Variants in AOPEP observed in about 807,000 individuals in gnomAD.
AOPEP encodes aminopeptidase O (putative), also known as aminopeptidase O.
AOPEP carries 77 observed loss-of-function variants against 98.1 expected under a neutral mutation model. That is an observed-to-expected ratio of 0.78 (90% CI 0.65 to 0.95). AOPEP has a LOEUF of 0.95. Ranked by LOEUF, AOPEP falls within the 40% of genes least tolerant of loss-of-function variation. AOPEP has a pLI of 0.00. For missense variants in AOPEP, 1,024 were observed against 1,024.7 expected (o/e 1.00, Z 0.01); for synonymous variants, 346 against 365.3 (o/e 0.95, Z 0.60).
chr9:95,107,546 TCTC>T, the AOPEP span: 2 of 544,492 alleles, frequency 3.7e-6, no homozygotes, highest in Non-Finnish European at 6.6e-6. Context: ...AGAGAAAAGT[TCTC>T]AACAGAATGT....
chr9:95,093,261 G>A, the AOPEP span, among the ~76,000 whole-genome samples: 1 of 152,226 alleles, frequency 6.6e-6, no homozygotes, highest in African/African-American at 2.4e-5. Flanking sequence ...TGGAGGATGG[G>A]TCTTTGGAAA....
chr9:94,747,794 A>G (rs1834859331), intron 1 of AOPEP, among the ~76,000 whole-genome samples: 1 of 152,212 alleles, frequency 6.6e-6, no homozygotes, highest in South Asian at 2.1e-4. Flanking sequence ...GGAAAGTTTA[A>G]CACCTGCCCC....
At chr9:95,104,361 C>G in the AOPEP span, among the ~76,000 whole-genome samples, 1 of 152,184 alleles carries the variant, frequency 6.6e-6, no homozygotes, top group African/African-American at 2.4e-5. Context: ...GCCACACTGG[C>G]GTCTGCTCTG....
chr9:94,791,066 A>T (rs573850318), intron 3 of AOPEP, among the ~76,000 whole-genome samples: 6 of 152,186 alleles, frequency 3.9e-5, no homozygotes, highest in Non-Finnish European at 8.8e-5. Flanking sequence ...GTGATATCCC[A>T]TAGCAAAGAC....
chr9:95,004,612 G>A (rs1418509521), intron 11 of AOPEP, among the ~76,000 whole-genome samples: 3 of 152,072 alleles, frequency 2.0e-5, no homozygotes, highest in African/African-American at 4.8e-5. Flanking sequence ...CTGGCTACGG[G>A]CGGGGTTCCT....
chr9:95,139,771 G>A, the AOPEP span, among the ~76,000 whole-genome samples: 5 of 149,462 alleles, frequency 3.3e-5, no homozygotes, highest in Non-Finnish European at 5.9e-5. Flanking sequence ...AGGAGGTAAT[G>A]AACATTTTCT....
At chr9:95,144,754 G>A in the AOPEP span, among the ~76,000 whole-genome samples, 6 of 152,198 alleles carry the variant, frequency 3.9e-5, no homozygotes, top group Admixed American at 2.0e-4. Flanking sequence ...AAAAATCGCC[G>A]TGGAGAGTAA....
At chr9:94,851,381 G>C (rs1441248160) in intron 5 of AOPEP, among the ~76,000 whole-genome samples, 1 of 152,138 alleles carries the variant, frequency 6.6e-6, no homozygotes, top group Admixed American at 6.5e-5. Flanking sequence ...GGGAAGCATT[G>C]TCTTAACTGA....
chr9:94,978,592 G>A (rs1364614599), intron 10 of AOPEP, among the ~76,000 whole-genome samples: 1 of 152,158 alleles, frequency 6.6e-6, no homozygotes. Context: ...GTCAAGAAAG[G>A]CCTCTCTGTA....
At chr9:95,130,995 A>G in the AOPEP span, among the ~76,000 whole-genome samples, 1 of 152,234 alleles carries the variant, frequency 6.6e-6, no homozygotes, top group Non-Finnish European at 1.5e-5. Context: ...TTACATTTTC[A>G]GATCTATTTT....
chr9:94,879,828 G>C (rs1352064003), intron 5 of AOPEP, among the ~76,000 whole-genome samples: 1 of 152,118 alleles, frequency 6.6e-6, no homozygotes, highest in Non-Finnish European at 1.5e-5. Flanking sequence ...AGCAGTTTTG[G>C]AACATATACC....
chr9:95,009,213 T>C (rs1240319125), intron 13 of AOPEP, among the ~76,000 whole-genome samples: 1 of 150,390 alleles, frequency 6.6e-6, no homozygotes, highest in Non-Finnish European at 1.5e-5. Flanking sequence ...CTTTTTTTTC[T>C]TTTTTTTTAC....
chr9:95,036,341 T>C (rs1457853177), intron 13 of AOPEP, among the ~76,000 whole-genome samples: 1 of 152,230 alleles, frequency 6.6e-6, no homozygotes, highest in African/African-American at 2.4e-5. Context: ...ATGGAATTTA[T>C]CTGATAGGTC....
intron 13 of AOPEP, chr9:95,018,753 C>G (rs980741057): frequency 1.3e-5 from 2 of 152,246 alleles, no homozygotes; most frequent in African/African-American, 4.8e-5. Flanking sequence ...GCTGGGTGGT[C>G]AGACCTGCTT....
chr9:94,884,263 T>C (rs2047926367), intron 5 of AOPEP, among the ~76,000 whole-genome samples: 1 of 152,218 alleles, frequency 6.6e-6, no homozygotes, highest in African/African-American at 2.4e-5. Flanking sequence ...GTGGGTACAA[T>C]TGTTAACAAA....
At chr9:94,870,350 GAA>G (rs1245776197) in intron 5 of AOPEP, among the ~76,000 whole-genome samples, 6 of 152,128 alleles carry the variant, frequency 3.9e-5, no homozygotes, top group Admixed American at 3.3e-4. Flanking sequence ...TTTTTAAGGA[GAA>G]GAGTATCGAG....
Position 94,998,947 on chromosome 9 carries a change from A to G in AOPEP, c.1978-6211A>G, listed in dbSNP as rs371662404. Among the ~76,000 whole-genome samples, 4 of 152,316 alleles carry G rather than the reference A, an allele frequency of 2.6e-5. No individual in the cohort carries two copies. The East Asian group carries it at 7.7e-4, about 29-fold the overall frequency. On this transcript the variant is annotated intron_variant, in intron 11 of 16. Transcript: ENST00000375315. Reference sequence around the variant, plus strand: ...TATTTGATGATGTCTGTATAGTATTATATCTGCGTAGTATTATATATTTTG... The same window carrying G: ...TATTTGATGATGTCTGTATAGTATTGTATCTGCGTAGTATTATATATTTTG...
intron 13 of AOPEP, among the ~76,000 whole-genome samples, chr9:95,013,824 A>G (rs974990768): frequency 6.6e-6 from 1 of 152,226 alleles, no homozygotes; most frequent in Non-Finnish European, 1.5e-5. Flanking sequence ...CATCCTACAT[A>G]AAGTCTCATG....
intron 4 of AOPEP, among the ~76,000 whole-genome samples, chr9:94,797,550 A>T (rs1368042470): frequency 6.6e-6 from 1 of 151,600 alleles, no homozygotes; most frequent in East Asian, 1.9e-4. Flanking sequence ...CTTAGAAAAG[A>T]TTTTCATTTG....
Sources: gnomAD v4.1 joint callset for allele counts (sites outside exome capture counted in the v4.1 genomes callset) on GRCh38, gnomAD v4.1.1 for gene constraint, MANE v1.5 for transcripts, NCBI Gene and HGNC (gene_info 2026-07-23, HGNC 2026-07-21) for gene names.